The following TCF3 variants were observed in gnomAD, a reference collection of about 807,000 sequenced individuals.
TCF3 encodes the protein transcription factor E2-alpha.
In TCF3, 54 loss-of-function variants were observed where a neutral mutation model predicts 72.3. The observed-to-expected ratio is 0.75, with a 90% CI of 0.60 to 0.94. The LOEUF (loss-of-function observed/expected upper bound fraction) is 0.94. TCF3 is among the 40% of genes least tolerant of loss of function. TCF3 has a pLI of 0.00. For missense variants in TCF3, 1,078 were observed against 934.4 expected, an observed-to-expected ratio of 1.15 and a Z score of -2.00; for synonymous variants, 525 against 412.6, an observed-to-expected ratio of 1.27 and a Z score of -3.30.
rs543882245 is a variant in TCF3, at chr19:1,636,119, A to T, written c.146-3714T>A. On this transcript the variant is annotated intron_variant, in intron 3 of 18. Transcript: ENST00000262965. ...CGGGTGAGATCAGACAGAGGTTTGA[A>T]TCCGGGGGTGGCCTTTCCTTGGGTG... Among the ~76,000 whole-genome samples, 4 of 152,300 alleles carry T rather than the reference A, an allele frequency of 2.6e-5. No individual in the cohort carries two copies. In the South Asian group the frequency reaches 8.3e-4, roughly 32 times the overall value.
In TCF3 at chr19:1,625,558, C is replaced by T. The variant is rs374605163; in HGVS notation, c.499+18G>A. 5.1e-5 allele frequency: 79 copies of T among 1,559,978 alleles called. No homozygotes were observed. Among genetic ancestry groups the T allele is most frequent in the Middle Eastern group, 2.3e-4 (1 of 4,402 alleles). On this transcript the variant is annotated intron_variant, in intron 7 of 18. Coordinates refer to ENST00000262965, the MANE Select transcript of TCF3 (RefSeq NM_003200.5). ...TCCCTCCCAGAAGCCCCCGATGCCCCGGCCAGACCCCGCTCACCTAGGCTG... is the reference window on the plus strand; with the variant it reads ...TCCCTCCCAGAAGCCCCCGATGCCCTGGCCAGACCCCGCTCACCTAGGCTG...
intron 13 of TCF3, among the ~76,000 whole-genome samples, chr19:1,620,624 T>C (rs1024720424): frequency 2.6e-5 from 4 of 152,196 alleles, no homozygotes; most frequent in Non-Finnish European, 4.4e-5. Context: ...TTGCCTGTGC[T>C]GTGACCTAAC....
At chr19:1,638,220 C>A (rs1222980354) in intron 3 of TCF3, among the ~76,000 whole-genome samples, 1 of 152,236 alleles carries the variant, frequency 6.6e-6, no homozygotes, top group African/African-American at 2.4e-5. Context: ...TACATTACCC[C>A]TACCCTACAG....
rs1329861773 is a variant in TCF3 at position 1,611,530 on chromosome 19, C to T, written c.*177G>A. The T allele has an allele frequency of 1.4e-5, 12 of 832,038 alleles. No individual in the cohort carries two copies. The highest frequency in any genetic ancestry group is 2.1e-5 in the Non-Finnish European group (12 of 562,280). 51.5% of individuals were successfully genotyped at this position (832,038 alleles called of 1,614,324 possible). A position where few individuals can be genotyped will look rare whatever the true frequency, so the allele number is the denominator to read the frequency against. The stretch of plus-strand genomic sequence containing the variant: ...GCCAGGGCCCCAGGGAGCTCCTGGA[C>T]CCAGTGTCACCTTGGCCGCCCCCAT... On this transcript the variant is annotated 3_prime_UTR_variant, in exon 19 of 19. Coordinates refer to ENST00000262965, the MANE Select transcript of TCF3 (RefSeq NM_003200.5).
intron 6 of TCF3, among the ~76,000 whole-genome samples, chr19:1,626,192 T>C (rs144550927): frequency 8.5e-5 from 13 of 152,280 alleles, no homozygotes; most frequent in African/African-American, 3.1e-4. Context: ...GGCTCACACC[T>C]ATTATCCCAG....
chr19:1,634,794 C>T (rs1454210729), intron 3 of TCF3, among the ~76,000 whole-genome samples: 1 of 152,234 alleles, frequency 6.6e-6, no homozygotes, highest in Non-Finnish European at 1.5e-5. Context: ...AGTCTGGCCC[C>T]TAAGCTGCTT....
Position 1,615,235 on chromosome 19 carries a change from CGAG to C in TCF3, c.1822+47_1822+49del, listed in dbSNP as rs1357056596. On this transcript the variant is annotated intron_variant, in intron 18 of 18. Transcript: ENST00000262965. This position sits in a 1 kb window ranked among gnomAD's most constrained non-coding sequence, Gnocchi z 7.3. ...GGGAAGGAGAACGAGGGCAGGAACACGAGGGAGGGTGGCGCTGCAGGGACGCTG... is the reference window on the plus strand; with the variant it reads ...GGGAAGGAGAACGAGGGCAGGAACACGGAGGGTGGCGCTGCAGGGACGCTG... The C allele has an allele frequency of 3.9e-6, 6 of 1,528,672 alleles. No individual in the cohort carries two copies. The highest frequency in any genetic ancestry group is 5.3e-6 in the Non-Finnish European group (6 of 1,138,494). 94.7% of individuals were successfully genotyped at this position (1,528,672 alleles called of 1,614,324 possible). A position where few individuals can be genotyped will look rare whatever the true frequency, so the allele number is the denominator to read the frequency against.
At chr19:1,643,202 T>C (rs998225841) in intron 3 of TCF3, among the ~76,000 whole-genome samples, 1 of 152,152 alleles carries the variant, frequency 6.6e-6, no homozygotes, top group Non-Finnish European at 1.5e-5. Flanking sequence ...TTCCTATTCG[T>C]TAATCTCTAA....
Position 1,615,347 on chromosome 19 carries a change from G to A in TCF3, c.1760C>T (p.Thr587Ile). ...QLHLNSEKPQ[T>I]KLLILHQAVS... ...AGCCTGGTGCAGGATGAGCAGTTTG[G>A]TCTGGGGCTTCTCGCTGTTGAGGTG... The change falls in exon 18 of 19, where the codon ACC becomes ATC. Residue 587 changes from threonine to isoleucine, a missense_variant. Transcript: ENST00000262965. The surrounding 1 kb of genome is among the most constrained non-coding windows in gnomAD (Gnocchi z 7.3). 6.2e-7 allele frequency: 1 copy of A among 1,613,650 alleles called. No individual in the cohort carries two copies. The highest frequency in any genetic ancestry group is 1.1e-5 in the South Asian group (1 of 91,086).
chr19:1,622,461 C>T, intron 8 of TCF3, 46 bp from the exon 9 acceptor site: 1 of 1,047,468 alleles, frequency 9.5e-7, no homozygotes, highest in Non-Finnish European at 1.3e-6. Flanking sequence ...ACGGAGGGAC[C>T]ACGATCAGCC....
At chr19:1,618,417 T>G (rs950651877) in intron 16 of TCF3, among the ~76,000 whole-genome samples, 5 of 152,040 alleles carry the variant, frequency 3.3e-5, no homozygotes, top group Non-Finnish European at 7.4e-5. Context: ...CCATCCCTCC[T>G]CAGCCCTCCA....
intron 3 of TCF3, among the ~76,000 whole-genome samples, chr19:1,635,065 G>A (rs561288065): frequency 5.3e-5 from 8 of 152,298 alleles, no homozygotes; most frequent in South Asian, 2.1e-4. Context: ...TTACCATGCC[G>A]GGCAGGCAAA....
chr19:1,640,806 A>G (rs1750275690), intron 3 of TCF3, among the ~76,000 whole-genome samples: 4 of 151,038 alleles, frequency 2.6e-5, no homozygotes, highest in Admixed American at 2.6e-4. Context: ...TCCGTCTCAA[A>G]AAAAAAAAAA....
At chr19:1,616,156 CATT>C (rs1466851709) in intron 16 of TCF3, among the ~76,000 whole-genome samples, 7 of 152,146 alleles carry the variant, frequency 4.6e-5, no homozygotes, top group Non-Finnish European at 8.8e-5. Context: ...CTGTTTCAAT[CATT>C]AACTTAAAAA....
Position 1,629,427 on chromosome 19 carries a change from C to G in TCF3, c.299-2001G>C, listed in dbSNP as rs549558008. On this transcript the variant is annotated intron_variant, in intron 5 of 18. Transcript: ENST00000262965. ...CCAATGAGCACTTCCCTGGGGCGCT[C>G]AGTGACAAAGGACAGGTGAGGCCTC... is the stretch of plus-strand genomic sequence containing the variant. Among the ~76,000 whole-genome samples, 8 of 152,236 alleles carry G rather than the reference C, an allele frequency of 5.3e-5. No homozygotes were observed. In the South Asian group the frequency reaches 1.7e-3, roughly 32 times the overall value.
intron 3 of TCF3, among the ~76,000 whole-genome samples, chr19:1,640,868 G>C (rs1206463973): frequency 1.3e-5 from 2 of 151,874 alleles, no homozygotes; most frequent in African/African-American, 4.8e-5. Context: ...TAATGAGGCG[G>C]CCAGGCGCGG....
At chr19:1,648,420 C>A (rs1384299769) in intron 2 of TCF3, among the ~76,000 whole-genome samples, 1 of 152,156 alleles carries the variant, frequency 6.6e-6, no homozygotes, top group Non-Finnish European at 1.5e-5. Context: ...GGGAACGGCT[C>A]CGACCCGGGA....
chr19:1,638,354 C>A (rs758644303), intron 3 of TCF3, among the ~76,000 whole-genome samples: 1 of 152,124 alleles, frequency 6.6e-6, no homozygotes, highest in Admixed American at 6.5e-5. Flanking sequence ...TGAACAGATA[C>A]AATGTTTTTT....
Position 1,611,426 on chromosome 19 carries a change from C to T in TCF3, c.*281G>A, listed in dbSNP as rs1192219730. 2.4e-6 allele frequency: 1 copy of T among 408,828 alleles called. No homozygotes were observed. The highest frequency in any genetic ancestry group is 2.1e-5 in the African/African-American group (1 of 48,706). 25.3% of individuals were successfully genotyped at this position (408,828 alleles called of 1,614,324 possible). On this transcript the variant is annotated 3_prime_UTR_variant, in exon 19 of 19. Coordinates refer to ENST00000262965, the MANE Select transcript of TCF3 (RefSeq NM_003200.5). Reference sequence around the variant, plus strand: ...AGGCAACAGGGCCAAGATGCAGTTTCAGGATCCATGGGACAGGTCACAGAG... The same window carrying T: ...AGGCAACAGGGCCAAGATGCAGTTTTAGGATCCATGGGACAGGTCACAGAG...
Sources: allele counts gnomAD v4.1 joint callset (sites outside exome capture counted in the v4.1 genomes callset), GRCh38; gene constraint gnomAD v4.1.1; non-coding constraint Gnocchi (gnomAD v3.1); transcripts MANE v1.5; gene names NCBI Gene and HGNC (gene_info 2026-07-23, HGNC 2026-07-21).